The following CTNNA3 variants were observed in gnomAD, a reference collection of about 807,000 sequenced individuals.
CTNNA3 encodes catenin alpha-3.
In CTNNA3, 76 loss-of-function variants were observed where a neutral mutation model predicts 95.7. The observed-to-expected ratio is 0.79, with a 90% confidence interval of 0.66 to 0.96. The LOEUF (loss-of-function observed/expected upper bound fraction) is 0.96. Ranked by LOEUF, CTNNA3 falls within the 40% of genes least tolerant of loss-of-function variation. The probability of loss-of-function intolerance (pLI) is 0.00; values close to 1 mark genes in which losing one functional copy is unlikely to be tolerated. For synonymous variants in CTNNA3, 431 were observed against 374.4 expected, an observed-to-expected ratio of 1.15 and a Z score of -1.74; for missense variants, 1,191 against 1,089.8, an observed-to-expected ratio of 1.09 and a Z score of -1.31.
chr10:67,072,464 T>C (rs925555393), intron 7 of CTNNA3, among the ~76,000 whole-genome samples: 2 of 152,216 alleles, frequency 1.3e-5, no homozygotes, highest in Non-Finnish European at 2.9e-5. Context: ...TGATAGAAAT[T>C]AGTTAAAGAA....
At chr10:67,706,268 T>G (rs1220088754) in intron 1 of CTNNA3, among the ~76,000 whole-genome samples, 1 of 152,046 alleles carries the variant, frequency 6.6e-6, no homozygotes, top group Non-Finnish European at 1.5e-5. Context: ...AGAGTTGGGC[T>G]CTGGAGCTTG....
chr10:66,360,732 CTTTCTT>C (rs2092657464), intron 12 of CTNNA3, among the ~76,000 whole-genome samples: 1 of 76,078 alleles, frequency 1.3e-5, no homozygotes, highest in African/African-American at 5.7e-5. Context: ...TCCTTTCTTT[CTTTCTT>C]TCTTTCTTCC....
intron 12 of CTNNA3, among the ~76,000 whole-genome samples, chr10:66,322,738 T>C (rs2092206071): frequency 6.6e-6 from 1 of 152,074 alleles, no homozygotes; most frequent in African/African-American, 2.4e-5. Context: ...TGTTGCCAGC[T>C]GCACTTAAGT....
chr10:67,025,640 A>T (rs188121770), intron 7 of CTNNA3, among the ~76,000 whole-genome samples: 105 of 152,282 alleles, frequency 6.9e-4, no homozygotes, highest in African/African-American at 2.5e-3. Context: ...TCTATATAGC[A>T]AGTTGAAATC....
intron 5 of CTNNA3, among the ~76,000 whole-genome samples, chr10:67,438,101 A>C (rs1185698230): frequency 6.6e-6 from 1 of 152,184 alleles, no homozygotes; most frequent in Admixed American, 6.6e-5. Context: ...AAATAAATTA[A>C]GAGGAAAGGG....
At chr10:67,693,874 T>C (rs569005948) in intron 1 of CTNNA3, among the ~76,000 whole-genome samples, 4 of 152,318 alleles carry the variant, frequency 2.6e-5, no homozygotes, top group African/African-American at 9.6e-5. Flanking sequence ...ACTCCTACCA[T>C]AGCCACGCCT....
chr10:67,306,323 C>T (rs1013269713), intron 5 of CTNNA3, among the ~76,000 whole-genome samples: 1 of 152,070 alleles, frequency 6.6e-6, no homozygotes, highest in African/African-American at 2.4e-5. Context: ...GAGTAAGAGA[C>T]ACTACTGACA....
At chr10:66,456,548 T>A (rs1405825497) in intron 11 of CTNNA3, among the ~76,000 whole-genome samples, 1 of 151,820 alleles carries the variant, frequency 6.6e-6, no homozygotes, top group Non-Finnish European at 1.5e-5. Flanking sequence ...TAGTGGCACA[T>A]GACTGTAATC....
chr10:66,077,520 A>G (rs2080591847), intron 14 of CTNNA3, among the ~76,000 whole-genome samples: 1 of 151,886 alleles, frequency 6.6e-6, no homozygotes, highest in South Asian at 2.1e-4. Flanking sequence ...TGCACATTTT[A>G]CCAATAAAAA....
At chr10:66,613,213 C>T (rs918818950) in intron 10 of CTNNA3, among the ~76,000 whole-genome samples, 1 of 152,056 alleles carries the variant, frequency 6.6e-6, no homozygotes, top group Admixed American at 6.6e-5. Context: ...CCCACTTTCC[C>T]ACTTGAGTTT....
intron 13 of CTNNA3, among the ~76,000 whole-genome samples, chr10:66,112,434 T>C (rs1403266386): frequency 6.6e-6 from 1 of 152,152 alleles, no homozygotes; most frequent in Non-Finnish European, 1.5e-5. Flanking sequence ...CATCCCTCTA[T>C]TTTGTTATTA....
At chr10:67,575,476 T>C (rs1392083831) in intron 3 of CTNNA3, among the ~76,000 whole-genome samples, 1 of 152,182 alleles carries the variant, frequency 6.6e-6, no homozygotes, top group Admixed American at 6.5e-5. Flanking sequence ...CCTCAAATTA[T>C]GTTGTGAAAA....
At chr10:66,949,080 AT>A (rs1202567913) in intron 7 of CTNNA3, among the ~76,000 whole-genome samples, 1 of 152,222 alleles carries the variant, frequency 6.6e-6, no homozygotes, top group African/African-American at 2.4e-5. Context: ...ATTAGCAAAA[AT>A]TTATAATCTG....
chr10:66,387,923 C>G (rs1020739597), intron 11 of CTNNA3, among the ~76,000 whole-genome samples: 4 of 152,166 alleles, frequency 2.6e-5, no homozygotes, highest in African/African-American at 7.2e-5. Flanking sequence ...GGGTGGGGAA[C>G]ATCACACACT....
chr10:66,720,587 C>T (rs1848596575), intron 9 of CTNNA3, among the ~76,000 whole-genome samples: 1 of 152,130 alleles, frequency 6.6e-6, no homozygotes, highest in South Asian at 2.1e-4. Flanking sequence ...AATTCAAGCA[C>T]TTTGGGAGAC....
At chr10:67,091,039 T>C (rs1284879245) in intron 7 of CTNNA3, among the ~76,000 whole-genome samples, 2 of 152,052 alleles carry the variant, frequency 1.3e-5, no homozygotes, top group African/African-American at 2.4e-5. Context: ...TTTCTTAATA[T>C]TACTCAAATA....
At chr10:65,959,305 G>C (rs887005589) in intron 17 of CTNNA3, among the ~76,000 whole-genome samples, 1 of 152,126 alleles carries the variant, frequency 6.6e-6, no homozygotes, top group Non-Finnish European at 1.5e-5. Flanking sequence ...TCTTCCCTTG[G>C]CTAGGAAAGG....
intron 7 of CTNNA3, among the ~76,000 whole-genome samples, chr10:66,924,796 C>T (rs1224972062): frequency 4.6e-5 from 7 of 152,144 alleles, no homozygotes; most frequent in South Asian, 2.1e-4. Context: ...ATTCTCAAAA[C>T]ATGAAGTGAG....
chr10:66,203,494 G>A (rs1397671845), intron 13 of CTNNA3, among the ~76,000 whole-genome samples: 2 of 151,810 alleles, frequency 1.3e-5, no homozygotes, highest in African/African-American at 4.8e-5. Flanking sequence ...GTAAACAGAG[G>A]AGTAATTATG....
Sources: allele counts gnomAD v4.1 joint callset (sites outside exome capture counted in the v4.1 genomes callset), GRCh38; gene constraint gnomAD v4.1.1; transcripts MANE v1.5; gene names NCBI Gene and HGNC (gene_info 2026-07-23, HGNC 2026-07-21).